ROBO2: variants seen among roughly 807,000 people sequenced by gnomAD.
ROBO2 encodes the protein roundabout homolog 2.
In ROBO2, 53 loss-of-function variants were observed where a neutral mutation model predicts 160.8. The ratio of observed to expected loss-of-function variants is 0.33; its 90% CI spans 0.26 to 0.41. The LOEUF (loss-of-function observed/expected upper bound fraction) is 0.41, where lower values mean the gene tolerates loss of function less well. Ranked by LOEUF, ROBO2 falls within the 10% of genes least tolerant of loss-of-function variation. The pLI is 1.00. For synonymous variants in ROBO2, 664 were observed against 611.7 expected (o/e 1.09, Z -1.26); for missense variants, 1,577 against 1,722.4 (o/e 0.92, Z 1.49).
chr3:76,525,220 A>AATTT (rs1191581941), intron 2 of ROBO2, among the ~76,000 whole-genome samples: 1 of 151,932 alleles, frequency 6.6e-6, no homozygotes, highest in African/African-American at 2.4e-5. Context: ...AAAGAGAGTA[A>AATTT]GTGATAGACA....
Position 77,027,105 on chromosome 3 carries a change from T to C in ROBO2, c.110-70909T>C, listed in dbSNP as rs534363348. Among the ~76,000 whole-genome samples the C allele has an allele frequency of 7.2e-5, 11 of 152,316 alleles. No individual in the cohort carries two copies. In the East Asian group the frequency reaches 2.1e-3, roughly 29 times the overall value. On this transcript the variant is annotated intron_variant, in intron 2 of 26. Coordinates refer to the ROBO2 transcript ENST00000487694. ...TGTAGCTTGAGCATCAATTCTAATT[T>C]AAAAGCATTTCTGGAGACAAGGCAA...
chr3:76,869,342 G>GTTTTTTTTT (rs34051755), intron 2 of ROBO2, among the ~76,000 whole-genome samples: 7 of 71,390 alleles, frequency 9.8e-5, no homozygotes, highest in African/African-American at 2.0e-4. Flanking sequence ...AGAAATTGAT[G>GTTTTTTTTT]TTTTTTTTTT....
chr3:77,605,493 G>A (rs1481590337), intron 20 of ROBO2, among the ~76,000 whole-genome samples: 3 of 152,084 alleles, frequency 2.0e-5, no homozygotes, highest in Non-Finnish European at 4.4e-5. Context: ...CATAATGAGA[G>A]AGCAGAAATT....
chr3:77,343,325 T>C (rs1490720022), intron 2 of ROBO2, among the ~76,000 whole-genome samples: 2 of 152,182 alleles, frequency 1.3e-5, no homozygotes, highest in African/African-American at 4.8e-5. Context: ...TCTTTGCCTA[T>C]AGGCTTTGGC....
chr3:77,602,911 T>G (rs1247338817), intron 20 of ROBO2: 1 of 459,778 alleles, frequency 2.2e-6, no homozygotes, highest in Non-Finnish European at 4.4e-6. Flanking sequence ...GATGCCACTA[T>G]GACCTCTGCC....
intron 2 of ROBO2, among the ~76,000 whole-genome samples, chr3:77,187,618 T>C (rs897965633): frequency 5.9e-5 from 9 of 151,860 alleles, no homozygotes; most frequent in Non-Finnish European, 1.3e-4. Flanking sequence ...TCATGAGCAA[T>C]GCTACATATT....
intron 2 of ROBO2, among the ~76,000 whole-genome samples, chr3:76,673,805 A>G (rs2092334028): frequency 6.6e-6 from 1 of 152,128 alleles, no homozygotes; most frequent in African/African-American, 2.4e-5. Flanking sequence ...GCTTCACACG[A>G]TAATTTATTA....
chr3:77,446,634 T>C (rs1213697670), intron 2 of ROBO2, among the ~76,000 whole-genome samples: 1 of 152,058 alleles, frequency 6.6e-6, no homozygotes, highest in African/African-American at 2.4e-5. Context: ...TTAAACACTG[T>C]ATATGGTTTC....
At chr3:77,414,228 CAAGT>C (rs1395094696) in intron 2 of ROBO2, among the ~76,000 whole-genome samples, 1 of 152,124 alleles carries the variant, frequency 6.6e-6, no homozygotes, top group Admixed American at 6.5e-5. Flanking sequence ...TCACAGAAGA[CAAGT>C]AACAAGAACT....
intron 2 of ROBO2, among the ~76,000 whole-genome samples, chr3:75,952,034 C>A (rs999591332): frequency 6.6e-6 from 1 of 151,880 alleles, no homozygotes; most frequent in Non-Finnish European, 1.5e-5. Flanking sequence ...TGATAACTGC[C>A]AAGGACAGCA....
At chr3:76,092,555 T>A (rs938429363) in intron 2 of ROBO2, among the ~76,000 whole-genome samples, 1 of 152,164 alleles carries the variant, frequency 6.6e-6, no homozygotes, top group Non-Finnish European at 1.5e-5. Flanking sequence ...ATCCATCTCT[T>A]CTCTACTAGG....
At chr3:77,124,955 A>T (rs887666862) in intron 2 of ROBO2, among the ~76,000 whole-genome samples, 1 of 150,194 alleles carries the variant, frequency 6.7e-6, no homozygotes, top group South Asian at 2.1e-4. Flanking sequence ...TCTTCCTACC[A>T]TATAATATCC....
intron 2 of ROBO2, among the ~76,000 whole-genome samples, chr3:76,455,411 A>G (rs1049317022): frequency 3.1e-4 from 47 of 152,182 alleles, no homozygotes; most frequent in African/African-American, 1.1e-3. Context: ...AATTAAATTT[A>G]TAATTTTCAT....
At chr3:77,551,081 T>A (rs547267342) in intron 8 of ROBO2, 92 bp downstream of exon 9, 31 of 1,349,910 alleles carry the variant, frequency 2.3e-5, no homozygotes, top group Middle Eastern at 2.0e-4. Flanking sequence ...ATTTGTTAAA[T>A]CATTTCTATG....
chr3:77,409,811 A>G (rs62249794), intron 2 of ROBO2, among the ~76,000 whole-genome samples: 11,718 of 152,150 alleles, frequency 0.077, 535 homozygotes, highest in African/African-American at 0.1. Context: ...CATATTTCCA[A>G]TTATAAGACC....
At chr3:76,483,310 A>ATT (rs72581396) in intron 2 of ROBO2, among the ~76,000 whole-genome samples, 47,582 of 148,696 alleles carry the variant, frequency 0.32, 7,916 homozygotes, top group East Asian at 0.41. Flanking sequence ...AACTGTCATT[A>ATT]TTTTTTTTTT....
intron 2 of ROBO2, among the ~76,000 whole-genome samples, chr3:76,961,808 T>TA (rs2079683970): frequency 6.6e-6 from 1 of 152,194 alleles, no homozygotes; most frequent in African/African-American, 2.4e-5. Flanking sequence ...GTCCTTTTTT[T>TA]ATTGGTATTA....
chr3:77,388,652 T>G (rs4684005), intron 2 of ROBO2, among the ~76,000 whole-genome samples: 20,961 of 152,200 alleles, frequency 0.14, 1,791 homozygotes, highest in East Asian at 0.3. Flanking sequence ...GATATTTTTA[T>G]GACTTCTCTC....
intron 2 of ROBO2, among the ~76,000 whole-genome samples, chr3:76,992,802 A>T (rs892421387): frequency 4.6e-5 from 7 of 152,066 alleles, no homozygotes; most frequent in African/African-American, 1.4e-4. Flanking sequence ...TCTAAAACAT[A>T]AAAAGTCAAA....
Sources: allele counts gnomAD v4.1 joint callset (sites outside exome capture counted in the v4.1 genomes callset), GRCh38; gene constraint gnomAD v4.1.1; transcripts MANE v1.5; gene names NCBI Gene and HGNC (gene_info 2026-07-23, HGNC 2026-07-21).